OGT: variants seen among roughly 807,000 people sequenced by gnomAD.
The protein encoded by OGT is O-linked N-acetylglucosamine (GlcNAc) transferase, also known as UDP-N-acetylglucosamine--peptide N-acetylglucosaminyltransferase 110 kDa subunit.
In OGT, 3 loss-of-function variants were observed where a neutral mutation model predicts 75.8. The ratio of observed to expected loss-of-function variants is 0.04; its 90% CI spans 0.02 to 0.10. The LOEUF is 0.10. OGT is among the 10% of genes least tolerant of loss of function. OGT has a pLI of 1.00. For missense variants in OGT, 260 were observed against 824.4 expected, an observed-to-expected ratio of 0.32 and a Z score of 8.38; for synonymous variants, 257 against 289.7, an observed-to-expected ratio of 0.89 and a Z score of 1.15.
intron 4 of OGT, chrX:71,545,800 T>C (rs2147673637): frequency 8.9e-6 from 1 of 112,615 alleles, no homozygotes; most frequent in Admixed American, 9.4e-5. Flanking sequence ...TAATTGGTAA[T>C]TTATAGAACA....
Position 71,561,116 on chromosome X carries a change from C to CG in OGT, c.1852-655dup, listed in dbSNP as rs765963716. ...CTAATTTTTGTATTTTTAGTAGAGA[C>CG]GGGGTCTCACCACATTGGCCAGGCT... On this transcript the variant is annotated intron_variant, in intron 14 of 21. Transcript: ENST00000373719. Among the ~76,000 whole-genome samples the CG allele has an allele frequency of 1.1e-4, 12 of 109,313 alleles. No homozygotes were observed. The East Asian group carries it at 1.4e-3, about 13-fold the overall frequency. The allele number at this position is 109,313 out of a possible 115,157, so 94.9% of individuals were successfully genotyped here. A position where few individuals can be genotyped will look rare whatever the true frequency, so the allele number is the denominator to read the frequency against.
chrX:71,557,395 T>G (rs2040350095), intron 11 of OGT, 98 bp from the exon 12 acceptor site: 1 of 1,060,142 alleles, frequency 9.4e-7, no homozygotes, highest in Non-Finnish European at 1.3e-6. Context: ...ATAGTATTTT[T>G]AATAGGCTAT....
At chrX:71,539,877 T>C (rs2040205533) in intron 3 of OGT, among the ~76,000 whole-genome samples, 1 of 112,161 alleles carries the variant, frequency 8.9e-6, no homozygotes, top group African/African-American at 3.2e-5. Context: ...GGTTTCCAGT[T>C]GCCTATGTGT....
intron 1 of OGT, among the ~76,000 whole-genome samples, chrX:71,535,816 TG>T (rs2040171788): frequency 8.9e-6 from 1 of 111,987 alleles, no homozygotes; most frequent in South Asian, 3.7e-4. Context: ...TTTAATATTT[TG>T]TTTCTGTATG....
intron 5 of OGT, among the ~76,000 whole-genome samples, chrX:71,549,407 C>T (rs1323687531): frequency 9.2e-6 from 1 of 108,299 alleles, no homozygotes; most frequent in Non-Finnish European, 1.9e-5. Context: ...TGTATCGGGA[C>T]ATAACCCCAT....
rs1462282891 is a variant in OGT, at chrX:71,537,934, A to G, written c.324A>G (p.Ala108=). 2 of 1,212,061 alleles carry G rather than the reference A, an allele frequency of 1.7e-6. No individual in the cohort carries two copies. The highest frequency in any genetic ancestry group is 2.2e-5 in the Admixed American group (1 of 46,060). The change falls in exon 3 of 22, where the codon GCA becomes GCG. Residue 108 remains alanine, a synonymous_variant. Coordinates refer to ENST00000373719, the MANE Select transcript of OGT (RefSeq NM_181672.3). ...AGGAAAGAGGGCAGTTGCAGGAGGC[A>G]ATTGAGCATTATCGACATGCATTGC... is the stretch of plus-strand genomic sequence containing the variant. The part of the protein sequence containing the change: ...VYKERGQLQE[A]IEHYRHALRL...
intron 1 of OGT, among the ~76,000 whole-genome samples, chrX:71,533,730 C>T (rs1410595418): frequency 9.1e-6 from 1 of 109,818 alleles, no homozygotes; most frequent in Non-Finnish European, 1.9e-5. Context: ...CTCCTTTTTC[C>T]CCTCCATCTC....
intron 17 of OGT, 29 bp downstream of exon 17, chrX:71,563,275 A>G (rs778609735): frequency 4.2e-6 from 5 of 1,200,108 alleles, no homozygotes; most frequent in Non-Finnish European, 4.5e-6. Context: ...TTGTCATTGA[A>G]ATAAAGTTAA....
intron 21 of OGT, among the ~76,000 whole-genome samples, chrX:71,572,604 C>CA (rs952130377): frequency 9.0e-6 from 1 of 110,518 alleles, no homozygotes; most frequent in African/African-American, 3.3e-5. Flanking sequence ...CCCATCTCTA[C>CA]AAAAAATACA....
rs763506860 is a variant in OGT, at chrX:71,552,711, CTT to C, written c.649-1787_649-1786del. Among the ~76,000 whole-genome samples, 16 of 90,678 alleles carry C rather than the reference CTT, an allele frequency of 1.8e-4. No homozygotes were observed. The South Asian group carries it at 3.6e-3, about 20-fold the overall frequency. The allele number at this position is 90,678 out of a possible 115,157, so 78.7% of individuals were successfully genotyped here. ...ATATTTAATATGAAGGAATTGCTGT[CTT>C]TTTTTTTTTTTTTTCTGTTAGGTAT... On this transcript the variant is annotated intron_variant, in intron 5 of 21. Transcript: ENST00000373719.
At chrX:71,565,185 T>C (rs1204203762) in intron 19 of OGT, among the ~76,000 whole-genome samples, 1 of 112,182 alleles carries the variant, frequency 8.9e-6, no homozygotes, top group African/African-American at 3.2e-5. Flanking sequence ...AAAAATACTT[T>C]TTAAAAAATT....
chrX:71,534,866 C>T (rs745367884), intron 1 of OGT, among the ~76,000 whole-genome samples: 1 of 111,507 alleles, frequency 9.0e-6, no homozygotes, highest in Non-Finnish European at 1.9e-5. Flanking sequence ...AAAGATATAA[C>T]CTCTCCCAGA....
intron 11 of OGT, 53 bp downstream of exon 11, chrX:71,557,349 T>G: frequency 9.3e-7 from 1 of 1,078,919 alleles, no homozygotes. Flanking sequence ...AGCTTTTTAA[T>G]TGTTGTATGC....
In OGT at chrX:71,533,241, T is replaced by C. The variant is rs2147664489; in HGVS notation, c.-59T>C. 9.1e-7 allele frequency: 1 copy of C among 1,099,011 alleles called. No individual in the cohort carries two copies. The allele number at this position is 1,099,011 out of a possible 1,213,427, so 90.6% of individuals were successfully genotyped here. A position where few individuals can be genotyped will look rare whatever the true frequency, so the allele number is the denominator to read the frequency against. On this transcript the variant is annotated 5_prime_UTR_variant, in exon 1 of 22. Coordinates refer to ENST00000373719, the MANE Select transcript of OGT (RefSeq NM_181672.3). ...CTACTACCTCCAAATACGTTCTTGC[T>C]GGTAGTGGCGGCAGCAGGACCAATT...
chrX:71,558,682 C>T lies in OGT; in HGVS notation c.1603-585C>T, dbSNP rs2040360167. On this transcript the variant is annotated intron_variant, in intron 12 of 21. Coordinates refer to ENST00000373719, the MANE Select transcript of OGT (RefSeq NM_181672.3). ...ATAATTTTGTTTTTAGAAAATGTTT[C>T]CCTATAGAATTTTCTAAAATGCGGG... Among the ~76,000 whole-genome samples the T allele has an allele frequency of 2.7e-5, 3 of 109,777 alleles. 1 individual carries two copies. The Admixed American group carries it at 2.9e-4, about 11-fold the overall frequency.
At chrX:71,564,047 C>T (rs1399352529) in intron 18 of OGT, among the ~76,000 whole-genome samples, 2 of 111,975 alleles carry the variant, frequency 1.8e-5, no homozygotes, top group Non-Finnish European at 3.8e-5. Context: ...AGTATGTACT[C>T]AATAAATAAT....
chrX:71,548,060 G>A (rs754654594), intron 5 of OGT, 37 bp downstream of exon 5: 1 of 1,167,144 alleles, frequency 8.6e-7, no homozygotes, highest in Non-Finnish European at 1.2e-6. Context: ...TTTTTGAAGT[G>A]CTTACGCATG....
At chrX:71,536,666 C>T in intron 2 of OGT, 1 of 191,323 alleles carries the variant, frequency 5.2e-6, no homozygotes, top group South Asian at 1.6e-4. Context: ...ATCCAGTCTC[C>T]CTTTCATGAG....
intron 15 of OGT, 74 bp from the exon 16 acceptor site, chrX:71,562,773 A>G: frequency 1.1e-6 from 1 of 909,771 alleles, no homozygotes. Context: ...TATTTAATGT[A>G]TGTGACTTGA....
Sources: allele counts gnomAD v4.1 joint callset (sites outside exome capture counted in the v4.1 genomes callset), GRCh38; gene constraint gnomAD v4.1.1; transcripts MANE v1.5; gene names NCBI Gene and HGNC (gene_info 2026-07-23, HGNC 2026-07-21).